Variants in CYP2C19 observed in about 807,000 individuals in gnomAD.
The protein encoded by CYP2C19 is cytochrome P450 family 2 subfamily C member 19.
Under a neutral mutation model 40.9 loss-of-function variants are expected in CYP2C19, and 59 were observed. The observed-to-expected ratio is 1.44, with a 90% CI of 1.17 to 1.79. CYP2C19 has a LOEUF of 1.79. Among genes scored for constraint, CYP2C19 ranks in the 40% most tolerant of loss-of-function variants. CYP2C19 has a pLI of 0.00. For synonymous variants in CYP2C19, 253 were observed against 208.7 expected (o/e 1.21, Z -1.83); for missense variants, 754 against 596.9 (o/e 1.26, Z -2.74).
At chr10:94,772,811 G>A (rs1848353112) in intron 1 of CYP2C19, among the ~76,000 whole-genome samples, 1 of 152,124 alleles carries the variant, frequency 6.6e-6, no homozygotes, top group Non-Finnish European at 1.5e-5. Context: ...GTCTCGCTCT[G>A]TCGCCCAGGC....
intron 6 of CYP2C19, among the ~76,000 whole-genome samples, chr10:94,831,027 C>T (rs1057411564): frequency 6.6e-6 from 1 of 152,182 alleles, no homozygotes; most frequent in African/African-American, 2.4e-5. Flanking sequence ...TCTCACCCCC[C>T]ACTTCCCTTT....
At chr10:94,814,470 C>CT (rs1848971366) in intron 5 of CYP2C19, among the ~76,000 whole-genome samples, 1 of 151,106 alleles carries the variant, frequency 6.6e-6, no homozygotes, top group African/African-American at 2.4e-5. Flanking sequence ...AGACTTTTAT[C>CT]TGAAGTTGAG....
At position 94,802,994 on chromosome 10, in the gene CYP2C19, C is replaced by G. The variant is rs180968905; in HGVS notation, c.820-17502C>G. 9.1e-4 allele frequency among the ~76,000 whole-genome samples: 139 copies of G among 152,246 alleles called. 1 individual carries two copies. Among genetic ancestry groups the G allele is most frequent in the African/African-American group, 3.2e-3 (135 of 41,556 alleles). On this transcript the variant is annotated intron_variant, in intron 5 of 8. Coordinates refer to ENST00000371321, the MANE Select transcript of CYP2C19 (RefSeq NM_000769.4). ...GGGTTTTCCTTTGTGGGTAACCCAA[C>G]CTCTCTGGCTGCTCTTAATATTTTT...
At chr10:94,773,182 A>T (rs1430196290) in intron 1 of CYP2C19, among the ~76,000 whole-genome samples, 1 of 152,166 alleles carries the variant, frequency 6.6e-6, no homozygotes, top group Non-Finnish European at 1.5e-5. Flanking sequence ...AGTGGTACTT[A>T]CTGCTTGGCA....
intron 5 of CYP2C19, among the ~76,000 whole-genome samples, chr10:94,819,446 C>T (rs1849074546): frequency 3.9e-5 from 2 of 51,134 alleles, no homozygotes; most frequent in African/African-American, 1.7e-4. Context: ...TCAATGAATC[C>T]AGGAGCTGGT....
At position 94,850,072 on chromosome 10, in the gene CYP2C19, A is replaced by G. The variant is rs749089339; in HGVS notation, c.1291+14A>G. The G allele has an allele frequency of 1.9e-5, 30 of 1,612,974 alleles. No homozygotes were observed. The highest frequency in any genetic ancestry group is 2.4e-5 in the Non-Finnish European group (28 of 1,179,268). On this transcript the variant is annotated intron_variant, in intron 8 of 8. Transcript: ENST00000371321. ...CTTTCTCAGCAGGTAATATAAATTTATTTCCCTTTGTGTTTCAGGGTACAA... is the reference window on the plus strand; with the variant it reads ...CTTTCTCAGCAGGTAATATAAATTTGTTTCCCTTTGTGTTTCAGGGTACAA...
chr10:94,818,288 T>C (rs1019088708), intron 5 of CYP2C19, among the ~76,000 whole-genome samples: 4 of 149,150 alleles, frequency 2.7e-5, no homozygotes, highest in Admixed American at 1.3e-4. Context: ...TTTTGGTTAC[T>C]GTAGCCTTGT....
chr10:94,809,735 T>C (rs922774890), intron 5 of CYP2C19, among the ~76,000 whole-genome samples: 4 of 152,170 alleles, frequency 2.6e-5, no homozygotes, highest in Non-Finnish European at 2.9e-5. Context: ...TTGAGATACA[T>C]TCCATCAAAA....
Position 94,852,907 on chromosome 10 carries a change from C to G in CYP2C19, c.1466C>G (p.Pro489Arg). Reference sequence around the variant, plus strand: ...CCCTTCTATCAGCTGTGCTTCATTCCTGTCTGAAGAAGCACAGATGGTCTG... The same window carrying G: ...CCCTTCTATCAGCTGTGCTTCATTCGTGTCTGAAGAAGCACAGATGGTCTG... ...VPPFYQLCFI[P>R]V The change falls in exon 9 of 9, where the codon CCT (proline) becomes CGT (arginine). Residue 489 changes from proline to arginine, a missense_variant. Coordinates refer to ENST00000371321, the MANE Select transcript of CYP2C19 (RefSeq NM_000769.4). 2.5e-6 allele frequency: 4 copies of G among 1,613,928 alleles called. No individual in the cohort carries two copies. Among genetic ancestry groups the G allele is most frequent in the Non-Finnish European group, 3.4e-6 (4 of 1,179,880 alleles).
intron 5 of CYP2C19, among the ~76,000 whole-genome samples, chr10:94,817,986 C>T (rs1440304358): frequency 7.2e-6 from 1 of 139,666 alleles, no homozygotes; most frequent in Non-Finnish European, 1.5e-5. Context: ...GCACTCCAGC[C>T]TGGGCGACAG....
intron 5 of CYP2C19, among the ~76,000 whole-genome samples, chr10:94,794,226 G>A (rs75860835): frequency 6.6e-5 from 10 of 152,166 alleles, no homozygotes; most frequent in Middle Eastern, 3.2e-3. Context: ...GTATTAGGGT[G>A]GGAGTGTCCC....
At chr10:94,833,555 C>T (rs1269997882) in intron 6 of CYP2C19, among the ~76,000 whole-genome samples, 2 of 151,908 alleles carry the variant, frequency 1.3e-5, no homozygotes, top group Admixed American at 6.6e-5. Flanking sequence ...ACCCAAATGT[C>T]CAACGATGAT....
Position 94,830,782 on chromosome 10 carries a change from G to C in CYP2C19, c.961+10145G>C, listed in dbSNP as rs77961690. Among the ~76,000 whole-genome samples, 1,274 of 152,108 alleles carry C rather than the reference G, an allele frequency of 8.4e-3. 23 individuals are homozygous for C. The highest frequency in any genetic ancestry group is 0.061 in the East Asian group (318 of 5,172). On this transcript the variant is annotated intron_variant, in intron 6 of 8. Transcript: ENST00000371321. ...TTTATTTTTTATATTTATGGGTACA[G>C]AGTAGGTATATATTAATATGTTTGT...
chr10:94,816,403 T>A (rs1160704568), intron 5 of CYP2C19, among the ~76,000 whole-genome samples: 3 of 152,070 alleles, frequency 2.0e-5, no homozygotes, highest in East Asian at 3.8e-4. Flanking sequence ...CAAAAGTGAG[T>A]GCTAATTAGA....
chr10:94,784,787 A>C (rs1430554811), intron 5 of CYP2C19, among the ~76,000 whole-genome samples: 1 of 151,956 alleles, frequency 6.6e-6, no homozygotes, highest in Admixed American at 6.6e-5. Flanking sequence ...ATAGGGTTTC[A>C]CCATGTTGGC....
chr10:94,846,693 T>C (rs998877085), intron 7 of CYP2C19, among the ~76,000 whole-genome samples: 1 of 151,936 alleles, frequency 6.6e-6, no homozygotes, highest in Non-Finnish European at 1.5e-5. Context: ...TTTATTTATT[T>C]TATTATTTTT....
chr10:94,820,192 C>A (rs546983763), intron 5 of CYP2C19, among the ~76,000 whole-genome samples: 11 of 151,834 alleles, frequency 7.2e-5, no homozygotes, highest in Non-Finnish European at 1.5e-4. Context: ...ATTCAACAAC[C>A]CTTCATGCTA....
intron 1 of CYP2C19, among the ~76,000 whole-genome samples, chr10:94,768,442 G>A (rs1848278602): frequency 6.6e-6 from 1 of 152,170 alleles, no homozygotes; most frequent in Non-Finnish European, 1.5e-5. Flanking sequence ...TGGCAGTCAT[G>A]ATACCTTGGT....
intron 5 of CYP2C19, among the ~76,000 whole-genome samples, chr10:94,784,062 C>G (rs1394740274): frequency 6.6e-6 from 1 of 152,148 alleles, no homozygotes; most frequent in East Asian, 1.9e-4. Context: ...AATAATCACT[C>G]CATTCCCCCA....
Sources: gnomAD v4.1 joint callset for allele counts (sites outside exome capture counted in the v4.1 genomes callset) on GRCh38, gnomAD v4.1.1 for gene constraint, MANE v1.5 for transcripts, NCBI Gene and HGNC (gene_info 2026-07-23, HGNC 2026-07-21) for gene names.